The following KIAA0930 variants were observed in gnomAD, a reference collection of about 807,000 sequenced individuals.
KIAA0930 encodes uncharacterized protein KIAA0930.
KIAA0930 carries 24 observed loss-of-function variants against 43.9 expected under a neutral mutation model. That is an observed-to-expected ratio of 0.55 (90% CI 0.40 to 0.77). KIAA0930 has a LOEUF of 0.77. Among genes scored for constraint, KIAA0930 ranks in the 30% least tolerant of loss-of-function variants. The pLI is 0.00. For missense variants in KIAA0930, 461 were observed against 574.2 expected (o/e 0.80, Z 2.02); for synonymous variants, 259 against 216.4 (o/e 1.20, Z -1.73).
At chr22:45,205,029 C>T (rs1299069151) in intron 5 of KIAA0930, among the ~76,000 whole-genome samples, 188 bp downstream of exon 5, 2 of 152,130 alleles carry the variant, frequency 1.3e-5, no homozygotes, top group South Asian at 2.1e-4. Flanking sequence ...ACGGAGGCTG[C>T]GCCGGGGAAA....
chr22:45,221,379 A>G (rs566796512), intron 1 of KIAA0930, among the ~76,000 whole-genome samples: 2 of 152,354 alleles, frequency 1.3e-5, no homozygotes, highest in African/African-American at 4.8e-5. Context: ...GGAAATGGAC[A>G]TGGCTATGTT....
Position 45,230,448 on chromosome 22 carries a change from G to A in KIAA0930, c.64+10192C>T, listed in dbSNP as rs557316057. Among the ~76,000 whole-genome samples the A allele has an allele frequency of 3.3e-5, 5 of 152,254 alleles. No homozygotes were observed. In the South Asian group the frequency reaches 1.0e-3, roughly 32 times the overall value. On this transcript the variant is annotated intron_variant, in intron 1 of 9. Coordinates refer to ENST00000336156, the MANE Select transcript of KIAA0930 (RefSeq NM_001009880.2). ...CTGAAGCAGGTCATGAGACCCTCATGTGAAAGGCACCCTCTCTATGTCCGG... is the reference window on the plus strand; with the variant it reads ...CTGAAGCAGGTCATGAGACCCTCATATGAAAGGCACCCTCTCTATGTCCGG...
In KIAA0930 at chr22:45,193,798, T is replaced by G. The variant is rs1490384683; in HGVS notation, c.*3378A>C. 6.6e-6 allele frequency: 1 copy of G among 152,088 alleles called. No homozygotes were observed. The highest frequency in any genetic ancestry group is 1.5e-5 in the Non-Finnish European group (1 of 68,018). 9.4% of individuals were successfully genotyped at this position (152,088 alleles called of 1,614,324 possible). A position where few individuals can be genotyped will look rare whatever the true frequency, so the allele number is the denominator to read the frequency against. On this transcript the variant is annotated 3_prime_UTR_variant, in exon 10 of 10. Coordinates refer to ENST00000336156, the MANE Select transcript of KIAA0930 (RefSeq NM_001009880.2). ...GCAACTAGGCACTTCCAGCAGGACA[T>G]GAGAATGTAAGATGGCCACTACCGG...
At chr22:45,229,526 C>T (rs902989882) in intron 1 of KIAA0930, among the ~76,000 whole-genome samples, 2 of 152,094 alleles carry the variant, frequency 1.3e-5, no homozygotes, top group East Asian at 3.9e-4. Context: ...AGTGTCACAG[C>T]ACAGGGGCAG....
At chr22:45,204,359 T>C (rs1569073774) in intron 5 of KIAA0930, among the ~76,000 whole-genome samples, 1 of 152,104 alleles carries the variant, frequency 6.6e-6, no homozygotes, top group African/African-American at 2.4e-5. Flanking sequence ...CTCAGTGTGG[T>C]GGCAGGGTGA....
rs1336430678 is a variant in KIAA0930 at position 45,203,899 on chromosome 22, G to A, written c.603C>T (p.Val201=). ...ASDKTNTFQG[V]IFQGSIRYEA... is the part of the protein sequence containing the mutation. Reference sequence around the variant, plus strand: ...CGTAGCGGATGGAGCCCTGAAAGATGACCCCCTGGAACGTGTTGGTTTTGT... The same window carrying A: ...CGTAGCGGATGGAGCCCTGAAAGATAACCCCCTGGAACGTGTTGGTTTTGT... The change falls in exon 6 of 10, where the codon GTC becomes GTT. Residue 201 remains valine (V), a synonymous_variant. Transcript: ENST00000336156. 6.2e-7 allele frequency: 1 copy of A among 1,614,074 alleles called. No homozygotes were observed. The highest frequency in any genetic ancestry group is 1.1e-5 in the South Asian group (1 of 91,088).
At chr22:45,205,953 G>T in intron 2 of KIAA0930, 41 bp from the exon 3 acceptor site, 1 of 1,605,602 alleles carries the variant, frequency 6.2e-7, no homozygotes. Flanking sequence ...AGGGCCCACT[G>T]TGGTGCTCTT....
intron 1 of KIAA0930, chr22:45,212,421 G>A (rs1378051185): frequency 1.2e-5 from 19 of 1,531,656 alleles, no homozygotes; most frequent in Non-Finnish European, 1.7e-5. Flanking sequence ...AAATCCCGAG[G>A]AGCCAGGAAC....
At chr22:45,229,030 TCCCTCTCCA>T in intron 1 of KIAA0930, among the ~76,000 whole-genome samples, 1 of 73,244 alleles carries the variant, frequency 1.4e-5, no homozygotes. Flanking sequence ...ACCCGAAAGA[TCCCTCTCCA>T]CCCCCCCACC....
chr22:45,228,475 A>C (rs1045670090), intron 1 of KIAA0930, among the ~76,000 whole-genome samples: 4 of 152,150 alleles, frequency 2.6e-5, no homozygotes, highest in African/African-American at 7.2e-5. Context: ...CTCCTTCCTC[A>C]GGCAGAGATA....
intron 2 of KIAA0930, 41 bp from the exon 3 acceptor site, chr22:45,205,953 G>A: frequency 6.2e-7 from 1 of 1,605,602 alleles, no homozygotes. Flanking sequence ...AGGGCCCACT[G>A]TGGTGCTCTT....
chr22:45,216,596 C>G (rs1258991905), intron 1 of KIAA0930, among the ~76,000 whole-genome samples: 1 of 152,138 alleles, frequency 6.6e-6, no homozygotes, highest in Non-Finnish European at 1.5e-5. Context: ...ACTCTTTCTC[C>G]CACAAGCAAA....
At chr22:45,213,271 A>T (rs147254387) in intron 1 of KIAA0930, 154 of 1,278,326 alleles carry the variant, frequency 1.2e-4, no homozygotes, top group Non-Finnish European at 1.4e-4. Context: ...CTCAGCCCTC[A>T]GCCCTCTGCC....
chr22:45,230,238 G>A (rs772459421), intron 1 of KIAA0930, among the ~76,000 whole-genome samples: 17 of 152,170 alleles, frequency 1.1e-4, no homozygotes, highest in Admixed American at 1.3e-4. Flanking sequence ...GACACAGGGC[G>A]GGCAGCGAGT....
intron 1 of KIAA0930, among the ~76,000 whole-genome samples, chr22:45,237,357 C>A (rs1440371206): frequency 1.3e-5 from 2 of 152,292 alleles, no homozygotes; most frequent in East Asian, 3.9e-4. Flanking sequence ...GGGCCCAACA[C>A]TCCCGCCCCC....
intron 1 of KIAA0930, among the ~76,000 whole-genome samples, chr22:45,217,415 T>C (rs1398616080): frequency 1.4e-5 from 2 of 145,704 alleles, no homozygotes; most frequent in Non-Finnish European, 3.0e-5. Context: ...TATAGTTCAT[T>C]CACTAACACT....
intron 2 of KIAA0930, among the ~76,000 whole-genome samples, chr22:45,209,564 C>G (rs1442697640): frequency 2.0e-5 from 3 of 152,084 alleles, no homozygotes; most frequent in East Asian, 1.9e-4. Flanking sequence ...GCTGCCCGCT[C>G]TCTCTGTCCT....
intron 1 of KIAA0930, among the ~76,000 whole-genome samples, chr22:45,216,595 C>G (rs749515418): frequency 2.6e-5 from 4 of 152,160 alleles, no homozygotes; most frequent in Non-Finnish European, 5.9e-5. Context: ...GACTCTTTCT[C>G]CCACAAGCAA....
At chr22:45,202,163 C>T (rs2083594704) in intron 7 of KIAA0930, among the ~76,000 whole-genome samples, 1 of 152,242 alleles carries the variant, frequency 6.6e-6, no homozygotes, top group Non-Finnish European at 1.5e-5. Context: ...GGACCTGTGC[C>T]AAGGGCACCC....
Sources: gnomAD v4.1 joint callset for allele counts (sites outside exome capture counted in the v4.1 genomes callset) on GRCh38, gnomAD v4.1.1 for gene constraint, MANE v1.5 for transcripts, NCBI Gene and HGNC (gene_info 2026-07-23, HGNC 2026-07-21) for gene names.